TENM2: variants seen among roughly 807,000 people sequenced by gnomAD.
TENM2 encodes teneurin transmembrane protein 2.
Under a neutral mutation model 245.2 loss-of-function variants are expected in TENM2, and 52 were observed. That is an observed-to-expected ratio of 0.21 (90% CI 0.17 to 0.27). The LOEUF is 0.27. TENM2 is among the 10% of genes least tolerant of loss of function. The probability of loss-of-function intolerance (pLI) is 1.00; values close to 1 mark genes in which losing one functional copy is unlikely to be tolerated. For synonymous variants in TENM2, 1,363 were observed against 1,438.9 expected (o/e 0.95, Z 1.19); for missense variants, 3,046 against 3,666.8 (o/e 0.83, Z 4.37).
At chr5:166,984,589 A>G in the TENM2 span, among the ~76,000 whole-genome samples, 1 of 152,106 alleles carries the variant, frequency 6.6e-6, no homozygotes. Context: ...TATATTTGTA[A>G]CATGTTTTTT....
intron 5 of TENM2, among the ~76,000 whole-genome samples, chr5:168,030,969 A>G (rs1416752141): frequency 6.6e-6 from 1 of 152,192 alleles, no homozygotes; most frequent in Non-Finnish European, 1.5e-5. Context: ...TTTTTGTGGT[A>G]ACTTCAGAGA....
chr5:167,552,071 T>C (rs186654153), intron 2 of TENM2, among the ~76,000 whole-genome samples: 6 of 152,330 alleles, frequency 3.9e-5, no homozygotes. Context: ...CACTTAAGTC[T>C]ATTACTTATT....
At chr5:167,934,010 A>G (rs1484987725) in intron 3 of TENM2, among the ~76,000 whole-genome samples, 1 of 152,226 alleles carries the variant, frequency 6.6e-6, no homozygotes. Flanking sequence ...GAGATGACAG[A>G]AAAGTGTAAA....
At chr5:167,204,601 A>G in the TENM2 span, among the ~76,000 whole-genome samples, 2 of 152,218 alleles carry the variant, frequency 1.3e-5, no homozygotes, top group Admixed American at 1.3e-4. Context: ...GTCAGGCACC[A>G]TATGCTTCAG....
the TENM2 span, among the ~76,000 whole-genome samples, chr5:167,027,757 C>T: frequency 6.6e-6 from 1 of 152,038 alleles, no homozygotes; most frequent in Admixed American, 6.6e-5. Flanking sequence ...TACTTTGGTG[C>T]ATATTGTTTC....
chr5:167,640,797 C>T (rs1414646346), intron 2 of TENM2, among the ~76,000 whole-genome samples: 1 of 126,064 alleles, frequency 7.9e-6, no homozygotes, highest in African/African-American at 2.8e-5. Flanking sequence ...GCAGTGTTAC[C>T]TATAGAGAAA....
chr5:167,426,506 T>C (rs1763834687), intron 2 of TENM2, among the ~76,000 whole-genome samples: 1 of 146,284 alleles, frequency 6.8e-6, no homozygotes, highest in African/African-American at 2.6e-5. Context: ...GCCCAAGTGT[T>C]TGAGACCAAC....
chr5:167,624,508 C>T (rs1778379058), intron 2 of TENM2, among the ~76,000 whole-genome samples: 1 of 152,128 alleles, frequency 6.6e-6, no homozygotes, highest in Admixed American at 6.6e-5. Flanking sequence ...CATATCTCAG[C>T]ATCACACAGT....
At chr5:167,311,057 G>T (rs1490466983) in intron 1 of TENM2, among the ~76,000 whole-genome samples, 7 of 152,126 alleles carry the variant, frequency 4.6e-5, no homozygotes, top group African/African-American at 1.7e-4. Flanking sequence ...TGTTTACTTT[G>T]GGAAAATAGC....
chr5:168,142,883 TGGC>T (rs1755678863), intron 12 of TENM2, among the ~76,000 whole-genome samples: 1 of 152,240 alleles, frequency 6.6e-6, no homozygotes, highest in Non-Finnish European at 1.5e-5. Context: ...AAGTGCTGGC[TGGC>T]TTGAGACTCC....
At chr5:167,583,739 C>G (rs1446575504) in intron 2 of TENM2, among the ~76,000 whole-genome samples, 1 of 152,148 alleles carries the variant, frequency 6.6e-6, no homozygotes, top group Non-Finnish European at 1.5e-5. Context: ...TAACTGGATG[C>G]TCCCCATACA....
chr5:167,205,469 G>A, the TENM2 span, among the ~76,000 whole-genome samples: 5 of 152,116 alleles, frequency 3.3e-5, no homozygotes, highest in Admixed American at 1.3e-4. Context: ...CTATGTCCAC[G>A]TGAAAGACAA....
At chr5:168,142,816 C>G (rs1755671957) in intron 12 of TENM2, among the ~76,000 whole-genome samples, 1 of 152,174 alleles carries the variant, frequency 6.6e-6, no homozygotes, top group Admixed American at 6.6e-5. Context: ...ACATACTATT[C>G]AGAAAAGTCC....
At chr5:167,365,660 A>G (rs532575488) in intron 1 of TENM2, among the ~76,000 whole-genome samples, 2 of 152,166 alleles carry the variant, frequency 1.3e-5, no homozygotes, top group East Asian at 3.9e-4. Flanking sequence ...TAGAAAGCAT[A>G]TATTACCTCA....
chr5:167,044,960 T>C, the TENM2 span, among the ~76,000 whole-genome samples: 1 of 152,076 alleles, frequency 6.6e-6, no homozygotes. Context: ...GAGCAAGGAA[T>C]AGGTTTGAGG....
At chr5:167,452,274 G>A (rs1028092290) in intron 2 of TENM2, among the ~76,000 whole-genome samples, 7 of 152,150 alleles carry the variant, frequency 4.6e-5, no homozygotes, top group African/African-American at 1.7e-4. Flanking sequence ...AGAGATGAGT[G>A]TGGTCCTAGA....
chr5:167,502,222 T>C (rs1769256344), intron 2 of TENM2, among the ~76,000 whole-genome samples: 1 of 152,212 alleles, frequency 6.6e-6, no homozygotes, highest in East Asian at 1.9e-4. Flanking sequence ...ACTCACTTAT[T>C]TGAGCTGAGT....
chr5:167,350,690 T>A (rs1398163896), intron 1 of TENM2, among the ~76,000 whole-genome samples: 1 of 139,120 alleles, frequency 7.2e-6, no homozygotes, highest in Non-Finnish European at 1.5e-5. Context: ...TATATATATA[T>A]GGGATACATA....
At chr5:167,452,754 G>C (rs1765658642) in intron 2 of TENM2, among the ~76,000 whole-genome samples, 1 of 151,016 alleles carries the variant, frequency 6.6e-6, no homozygotes. Flanking sequence ...ACACAGGAAG[G>C]GGAACATCAC....
Sources: gnomAD v4.1 joint callset for allele counts (sites outside exome capture counted in the v4.1 genomes callset) on GRCh38, gnomAD v4.1.1 for gene constraint, MANE v1.5 for transcripts, NCBI Gene and HGNC (gene_info 2026-07-23, HGNC 2026-07-21) for gene names.